The following CNTNAP2 variants were observed in gnomAD, a reference collection of about 807,000 sequenced individuals.
CNTNAP2 encodes contactin-associated protein-like 2.
Under a neutral mutation model 155.2 loss-of-function variants are expected in CNTNAP2, and 98 were observed. The observed-to-expected ratio is 0.63, with a 90% CI of 0.54 to 0.75. The LOEUF is 0.75. Ranked by LOEUF, CNTNAP2 falls within the 30% of genes least tolerant of loss-of-function variation. The probability of loss-of-function intolerance (pLI) is 0.00; values close to 1 mark genes in which losing one functional copy is unlikely to be tolerated. For synonymous variants in CNTNAP2, 651 were observed against 631.2 expected, an observed-to-expected ratio of 1.03 and a Z score of -0.47; for missense variants, 1,727 against 1,688.1, an observed-to-expected ratio of 1.02 and a Z score of -0.40.
intron 8 of CNTNAP2, among the ~76,000 whole-genome samples, chr7:147,185,410 C>T (rs1265052012): frequency 6.6e-6 from 1 of 151,972 alleles, no homozygotes; most frequent in Admixed American, 6.6e-5. Context: ...GATGGAGGCA[C>T]AGAAAATTTG....
At chr7:148,052,332 CA>C (rs1802909315) in intron 15 of CNTNAP2, among the ~76,000 whole-genome samples, 1 of 117,106 alleles carries the variant, frequency 8.5e-6, no homozygotes, top group Admixed American at 8.6e-5. Context: ...AAACTAGCAA[CA>C]AAAAGTAAAA....
At chr7:146,392,408 TA>T (rs1421272582) in intron 1 of CNTNAP2, among the ~76,000 whole-genome samples, 1 of 152,082 alleles carries the variant, frequency 6.6e-6, no homozygotes, top group Admixed American at 6.5e-5. Context: ...TATAATGATG[TA>T]AAGGATAAAG....
chr7:146,988,519 G>A (rs936971529), intron 3 of CNTNAP2, among the ~76,000 whole-genome samples: 1 of 152,152 alleles, frequency 6.6e-6, no homozygotes, highest in Middle Eastern at 3.4e-3. Context: ...GGTATGATTC[G>A]AGATTTCACT....
intron 8 of CNTNAP2, among the ~76,000 whole-genome samples, chr7:147,186,727 T>C (rs1802574485): frequency 1.3e-5 from 2 of 151,962 alleles, no homozygotes; most frequent in Admixed American, 1.3e-4. Flanking sequence ...ACTGTCCACG[T>C]AGAGATGTGG....
intron 15 of CNTNAP2, among the ~76,000 whole-genome samples, chr7:148,024,889 A>G (rs1802349869): frequency 6.6e-6 from 1 of 152,196 alleles, no homozygotes; most frequent in Non-Finnish European, 1.5e-5. Context: ...ACAAGCAGTC[A>G]GAGGTGGAAG....
chr7:147,185,347 C>A (rs1278136819), intron 8 of CNTNAP2, among the ~76,000 whole-genome samples: 2 of 152,028 alleles, frequency 1.3e-5, no homozygotes, highest in African/African-American at 4.8e-5. Context: ...TGCACGTAAT[C>A]TACAAATCAG....
At chr7:146,544,412 T>A (rs1797998394) in intron 1 of CNTNAP2, among the ~76,000 whole-genome samples, 2 of 152,004 alleles carry the variant, frequency 1.3e-5, no homozygotes, top group South Asian at 4.1e-4. Context: ...CAGCACACTT[T>A]CCGCTACATC....
At chr7:146,298,564 C>T (rs10233963) in intron 1 of CNTNAP2, among the ~76,000 whole-genome samples, 13,068 of 152,224 alleles carry the variant, frequency 0.086, 1,583 homozygotes, top group African/African-American at 0.27. Context: ...GTTGCAAAGC[C>T]TTCTGTCCAG....
intron 1 of CNTNAP2, among the ~76,000 whole-genome samples, chr7:146,249,732 G>A (rs1052497341): frequency 4.6e-5 from 7 of 151,728 alleles, no homozygotes; most frequent in Admixed American, 2.6e-4. Flanking sequence ...TCATTATTAC[G>A]CTGTCATCAC....
At chr7:147,024,787 A>G (rs1798872763) in intron 3 of CNTNAP2, among the ~76,000 whole-genome samples, 1 of 152,074 alleles carries the variant, frequency 6.6e-6, no homozygotes, top group Non-Finnish European at 1.5e-5. Context: ...GATGAAGAGG[A>G]ATCATGGTGC....
chr7:147,016,781 A>G (rs1161115746), intron 3 of CNTNAP2, among the ~76,000 whole-genome samples: 1 of 152,034 alleles, frequency 6.6e-6, no homozygotes, highest in Non-Finnish European at 1.5e-5. Context: ...TCAAGGAAAA[A>G]TGGGGCTCAA....
intron 3 of CNTNAP2, among the ~76,000 whole-genome samples, chr7:146,871,700 TA>T (rs1295454276): frequency 1.3e-5 from 2 of 152,084 alleles, no homozygotes; most frequent in Non-Finnish European, 2.9e-5. Context: ...TGCAATAAAA[TA>T]TATTTTCAAT....
At chr7:146,598,632 C>T (rs564657563) in intron 1 of CNTNAP2, among the ~76,000 whole-genome samples, 3 of 152,092 alleles carry the variant, frequency 2.0e-5, no homozygotes, top group Admixed American at 6.6e-5. Context: ...TTTGCTTGGC[C>T]TCTGGAACCC....
At chr7:147,964,347 T>G (rs974044992) in intron 14 of CNTNAP2, among the ~76,000 whole-genome samples, 1 of 152,210 alleles carries the variant, frequency 6.6e-6, no homozygotes, top group East Asian at 1.9e-4. Context: ...AATCCAACAG[T>G]CTCGAAGAAT....
At chr7:147,132,217 C>A (rs770636056) in intron 7 of CNTNAP2, 28 bp from the exon 8 acceptor site, 1 of 1,612,904 alleles carries the variant, frequency 6.2e-7, no homozygotes, top group Non-Finnish European at 8.5e-7. Flanking sequence ...TCTGTGTTTT[C>A]CTCAGAGCCT....
At chr7:146,934,677 T>A (rs1177599574) in intron 3 of CNTNAP2, among the ~76,000 whole-genome samples, 1 of 152,076 alleles carries the variant, frequency 6.6e-6, no homozygotes, top group African/African-American at 2.4e-5. Context: ...AAGAAAAAAA[T>A]GGACAATGGT....
At chr7:146,890,050 C>T (rs73170388) in intron 3 of CNTNAP2, among the ~76,000 whole-genome samples, 5,302 of 152,192 alleles carry the variant, frequency 0.035, 163 homozygotes, top group Non-Finnish European at 0.05. Flanking sequence ...CAGCCAGCAA[C>T]TGAGACAGAG....
At chr7:147,682,507 A>C (rs1046165499) in intron 13 of CNTNAP2, among the ~76,000 whole-genome samples, 6 of 151,914 alleles carry the variant, frequency 3.9e-5, no homozygotes, top group Non-Finnish European at 7.4e-5. Flanking sequence ...TTAATTACAA[A>C]ATTTAACTTA....
intron 12 of CNTNAP2, among the ~76,000 whole-genome samples, chr7:147,595,900 A>G (rs896900814): frequency 1.8e-4 from 27 of 152,194 alleles, no homozygotes; most frequent in African/African-American, 5.5e-4. Context: ...TAAAAGTTGG[A>G]GTTCCTGAGG....
Sources: gnomAD v4.1 joint callset for allele counts (sites outside exome capture counted in the v4.1 genomes callset) on GRCh38, gnomAD v4.1.1 for gene constraint, MANE v1.5 for transcripts, NCBI Gene and HGNC (gene_info 2026-07-23, HGNC 2026-07-21) for gene names.